Variants in DPP10 observed in about 807,000 individuals in gnomAD.
The protein encoded by DPP10 is dipeptidyl peptidase like 10.
In DPP10, 33 loss-of-function variants were observed where a neutral mutation model predicts 120.9. The observed-to-expected ratio is 0.27, with a 90% CI of 0.21 to 0.37. DPP10 has a LOEUF of 0.37. Ranked by LOEUF, DPP10 falls within the 10% of genes least tolerant of loss-of-function variation. The probability of loss-of-function intolerance (pLI) is 1.00; values close to 1 mark genes in which losing one functional copy is unlikely to be tolerated. For missense variants in DPP10, 816 were observed against 942.8 expected (o/e 0.87, Z 1.76); for synonymous variants, 337 against 326.1 (o/e 1.03, Z -0.36).
intron 5 of DPP10, among the ~76,000 whole-genome samples, chr2:115,661,779 A>T (rs547584191): frequency 6.6e-6 from 1 of 152,222 alleles, no homozygotes; most frequent in South Asian, 2.1e-4. Context: ...GTGCAAGTTA[A>T]TGATTTGATG....
At chr2:115,034,098 T>C (rs1037058280) in intron 1 of DPP10, among the ~76,000 whole-genome samples, 5 of 151,780 alleles carry the variant, frequency 3.3e-5, no homozygotes, top group African/African-American at 4.8e-5. Flanking sequence ...GGTTTCACCA[T>C]GTTGGCCAGG....
At chr2:115,405,952 A>G (rs1043957692) in intron 3 of DPP10, among the ~76,000 whole-genome samples, 1 of 152,200 alleles carries the variant, frequency 6.6e-6, no homozygotes, top group Admixed American at 6.5e-5. Flanking sequence ...GTCCTGATAA[A>G]TGGCCTCTGG....
At chr2:114,511,880 T>A (rs556827971) in intron 1 of DPP10, among the ~76,000 whole-genome samples, 1 of 152,344 alleles carries the variant, frequency 6.6e-6, no homozygotes, top group South Asian at 2.1e-4. Context: ...GTCTGTGAGC[T>A]TCAAATTGCT....
intron 1 of DPP10, among the ~76,000 whole-genome samples, chr2:115,308,467 G>T (rs1057160656): frequency 6.6e-6 from 1 of 152,112 alleles, no homozygotes; most frequent in Admixed American, 6.6e-5. Context: ...AATCATTGTG[G>T]TCTGTGCTTT....
At chr2:115,532,235 G>A (rs2078513984) in intron 5 of DPP10, among the ~76,000 whole-genome samples, 1 of 151,994 alleles carries the variant, frequency 6.6e-6, no homozygotes. Context: ...ACCTCCCAAA[G>A]TCCCGCTTCT....
At chr2:114,987,766 A>G (rs1461332370) in intron 1 of DPP10, among the ~76,000 whole-genome samples, 1 of 146,574 alleles carries the variant, frequency 6.8e-6, no homozygotes, top group Non-Finnish European at 1.5e-5. Context: ...ATTTCTCACT[A>G]CTAGTACAAG....
At position 114,900,184 on chromosome 2, in the gene DPP10, A is replaced by C. The variant is rs140763394; in HGVS notation, c.61-409055A>C. ...AACGTACACTTAAATTTTTGTCAAGAGGGTAGGACTTCACATTGGGTTCTT... is the reference window on the plus strand; with the variant it reads ...AACGTACACTTAAATTTTTGTCAAGCGGGTAGGACTTCACATTGGGTTCTT... On this transcript the variant is annotated intron_variant, in intron 1 of 25. Transcript: ENST00000410059. Among the ~76,000 whole-genome samples the C allele has an allele frequency of 6.2e-3, 942 of 152,320 alleles. 8 individuals carry two copies. The highest frequency in any genetic ancestry group is 0.022 in the African/African-American group (900 of 41,568).
At chr2:114,750,339 T>TC (rs960308499) in intron 1 of DPP10, among the ~76,000 whole-genome samples, 1 of 132,384 alleles carries the variant, frequency 7.6e-6, no homozygotes, top group African/African-American at 3.3e-5. Context: ...CATCAATATA[T>TC]TTTTTTTTTT....
chr2:114,490,157 T>C (rs968600351), intron 1 of DPP10, among the ~76,000 whole-genome samples: 13 of 152,206 alleles, frequency 8.5e-5, no homozygotes, highest in Non-Finnish European at 1.9e-4. Context: ...TCTCATTCTC[T>C]GGCTATGTCT....
intron 21 of DPP10, among the ~76,000 whole-genome samples, chr2:115,829,143 A>G (rs1688668777): frequency 6.6e-6 from 1 of 152,166 alleles, no homozygotes; most frequent in Non-Finnish European, 1.5e-5. Flanking sequence ...TGTTTCTATC[A>G]AAAGGCTAAA....
intron 1 of DPP10, among the ~76,000 whole-genome samples, chr2:115,230,723 T>C (rs2057694982): frequency 6.6e-6 from 1 of 152,054 alleles, no homozygotes; most frequent in African/African-American, 2.4e-5. Context: ...GTTGTATTTT[T>C]TGGTATGCTT....
At chr2:114,845,101 C>G (rs1469932721) in intron 1 of DPP10, among the ~76,000 whole-genome samples, 1 of 152,138 alleles carries the variant, frequency 6.6e-6, no homozygotes, top group Non-Finnish European at 1.5e-5. Flanking sequence ...CTGTATCAGG[C>G]TGCGTCATGT....
At chr2:114,806,065 T>C (rs77537145) in intron 1 of DPP10, among the ~76,000 whole-genome samples, 2,018 of 152,300 alleles carry the variant, frequency 0.013, 41 homozygotes, top group African/African-American at 0.04. Context: ...CAGGCACTTC[T>C]ATGCAGACCA....
At chr2:115,657,527 G>A (rs114956207) in intron 5 of DPP10, among the ~76,000 whole-genome samples, 4,424 of 150,884 alleles carry the variant, frequency 0.029, 107 homozygotes, top group Middle Eastern at 0.058. Context: ...CATTACTCTT[G>A]TCTTTTCTCC....
chr2:115,612,207 T>C (rs1392654735), intron 5 of DPP10, among the ~76,000 whole-genome samples: 1 of 152,158 alleles, frequency 6.6e-6, no homozygotes, highest in East Asian at 1.9e-4. Flanking sequence ...ATTCTTAATG[T>C]CACCAAATTA....
At chr2:115,147,887 C>A (rs985148793) in intron 1 of DPP10, among the ~76,000 whole-genome samples, 6 of 152,256 alleles carry the variant, frequency 3.9e-5, no homozygotes, top group Non-Finnish European at 7.4e-5. Flanking sequence ...GAGACTTTAG[C>A]TCTTTTTGGT....
intron 3 of DPP10, among the ~76,000 whole-genome samples, chr2:115,389,131 A>C (rs2067153243): frequency 6.6e-6 from 1 of 152,178 alleles, no homozygotes; most frequent in African/African-American, 2.4e-5. Flanking sequence ...TTGGTAAAGA[A>C]TGTATTCTAT....
In DPP10 at chr2:115,499,500, G is replaced by C; in HGVS notation, c.272-10G>C. On this transcript the variant is annotated splice_polypyrimidine_tract_variant and intron_variant, in intron 3 of 25. Coordinates refer to ENST00000410059, the MANE Select transcript of DPP10 (RefSeq NM_020868.6). ...GTATTTGTCAATTGTGAATGTCTTT[G>C]TTGTTGCAGATACAGATGTGGTGTA... 6.2e-7 allele frequency: 1 copy of C among 1,604,460 alleles called. No individual in the cohort carries two copies. Among genetic ancestry groups the C allele is most frequent in the Non-Finnish European group, 8.5e-7 (1 of 1,173,894 alleles).
chr2:114,502,869 A>T (rs900878226), intron 1 of DPP10, among the ~76,000 whole-genome samples: 2 of 152,238 alleles, frequency 1.3e-5, no homozygotes, highest in African/African-American at 4.8e-5. Context: ...TTGAGATCAG[A>T]CTAAGTGTGA....
Sources: allele counts gnomAD v4.1 joint callset (sites outside exome capture counted in the v4.1 genomes callset), GRCh38; gene constraint gnomAD v4.1.1; transcripts MANE v1.5; gene names NCBI Gene and HGNC (gene_info 2026-07-23, HGNC 2026-07-21).